Variants in RAB33A observed in about 807,000 individuals in gnomAD.
RAB33A encodes ras-related protein Rab-33A.
Under a neutral mutation model 12.0 loss-of-function variants are expected in RAB33A, and 6 were observed. The observed-to-expected ratio is 0.50, with a 90% CI of 0.27 to 0.99. RAB33A has a LOEUF of 0.99. Ranked by LOEUF, RAB33A falls within the 50% of genes least tolerant of loss-of-function variation. The probability of loss-of-function intolerance (pLI) is 0.11; values close to 1 mark genes in which losing one functional copy is unlikely to be tolerated. For missense variants in RAB33A, 109 were observed against 192.0 expected (o/e 0.57, Z 2.55); for synonymous variants, 70 against 82.4 (o/e 0.85, Z 0.81).
At chrX:130,123,611 C>T in the RAB33A span, among the ~76,000 whole-genome samples, 5 of 100,170 alleles carry the variant, frequency 5.0e-5, no homozygotes, top group Non-Finnish European at 7.9e-5. Context: ...GCAGGAGAAT[C>T]GCTTGAACCC....
chrX:130,184,171 G>A (rs1210545267), intron 1 of RAB33A, 114 bp from the exon 2 acceptor site: 3 of 707,576 alleles, frequency 4.2e-6, no homozygotes, highest in Non-Finnish European at 6.2e-6. Context: ...TTATAGGCGT[G>A]AGCCACCGCA....
the RAB33A span, chrX:130,138,472 AAT>A: frequency 7.0e-6 from 4 of 572,225 alleles, no homozygotes; most frequent in Admixed American, 8.1e-5. Flanking sequence ...CTCAAAAAAA[AAT>A]AAATAAATAA....
the RAB33A span, chrX:130,156,379 A>G: frequency 2.6e-6 from 3 of 1,172,284 alleles, no homozygotes; most frequent in Non-Finnish European, 3.5e-6. Context: ...ATTAGTTGCA[A>G]AAGTTTTAAA....
the RAB33A span, among the ~76,000 whole-genome samples, chrX:130,119,601 G>A: frequency 9.0e-6 from 1 of 111,578 alleles, no homozygotes; most frequent in Non-Finnish European, 1.9e-5. Context: ...GAGGGGTCTG[G>A]TAGAAAGGAG....
At chrX:130,113,377 G>A in the RAB33A span, among the ~76,000 whole-genome samples, 2 of 108,801 alleles carry the variant, frequency 1.8e-5, no homozygotes, top group Non-Finnish European at 3.8e-5. Flanking sequence ...CACTGCGCCC[G>A]GCCTCTTTCT....
At chrX:130,155,240 A>G in the RAB33A span, 1 of 1,210,478 alleles carries the variant, frequency 8.3e-7, no homozygotes, top group Admixed American at 2.2e-5. Flanking sequence ...AAGCACCTGT[A>G]GATGCTAGTG....
the RAB33A span, among the ~76,000 whole-genome samples, chrX:130,125,990 A>G: frequency 8.9e-6 from 1 of 112,424 alleles, no homozygotes; most frequent in African/African-American, 3.2e-5. Flanking sequence ...AAGTGGTGCC[A>G]AGGACCATCT....
chrX:130,141,700 T>C, the RAB33A span, among the ~76,000 whole-genome samples: 1 of 111,641 alleles, frequency 9.0e-6, no homozygotes, highest in Non-Finnish European at 1.9e-5. Context: ...AATCACTGTT[T>C]TGAGCCACCT....
the RAB33A span, among the ~76,000 whole-genome samples, chrX:130,125,192 C>T: frequency 8.1e-5 from 9 of 111,752 alleles, no homozygotes; most frequent in Non-Finnish European, 1.1e-4. Flanking sequence ...CAGTACCGGG[C>T]GAGCTTCCAG....
the RAB33A span, chrX:130,137,645 C>A: frequency 9.0e-7 from 1 of 1,115,111 alleles, no homozygotes. Flanking sequence ...CAGGAAGCAG[C>A]AGTTCAAAGA....
chrX:130,181,974 G>C (rs1282571640), intron 1 of RAB33A, among the ~76,000 whole-genome samples: 1 of 106,069 alleles, frequency 9.4e-6, no homozygotes, highest in Non-Finnish European at 1.9e-5. Flanking sequence ...AAATAAATAG[G>C]GCTTGAAGGT....
At chrX:130,163,112 C>A in the RAB33A span, among the ~76,000 whole-genome samples, 1 of 109,687 alleles carries the variant, frequency 9.1e-6, no homozygotes, top group Non-Finnish European at 1.9e-5. Context: ...AGTTTGAGAC[C>A]AGCCTGGCCA....
intron 1 of RAB33A, among the ~76,000 whole-genome samples, chrX:130,176,772 C>G (rs776825448): frequency 1.5e-4 from 17 of 112,204 alleles, no homozygotes; most frequent in African/African-American, 5.5e-4. Context: ...GTGTGTGGAT[C>G]TTAGATGCAG....
upstream of RAB33A, among the ~76,000 whole-genome samples, chrX:130,169,735 T>C (rs2031584898): frequency 8.9e-6 from 1 of 112,444 alleles, no homozygotes; most frequent in Non-Finnish European, 1.9e-5. Context: ...AAGTTTTTGC[T>C]AGAAGCTTAC....
At chrX:130,113,149 C>T in the RAB33A span, among the ~76,000 whole-genome samples, 2 of 83,459 alleles carry the variant, frequency 2.4e-5, no homozygotes, top group Admixed American at 1.6e-4. Flanking sequence ...GGCGCGATCT[C>T]GGCTCACTGC....
chrX:130,142,372 T>C, the RAB33A span, among the ~76,000 whole-genome samples: 1 of 111,204 alleles, frequency 9.0e-6, no homozygotes, highest in Non-Finnish European at 1.9e-5. Flanking sequence ...TACTCAACCC[T>C]CACGGTGTTC....
the RAB33A span, chrX:130,137,501 G>GA: frequency 8.6e-7 from 1 of 1,165,488 alleles, no homozygotes; most frequent in African/African-American, 1.8e-5. Flanking sequence ...GCATCCTCCT[G>GA]AAAAGATGCC....
At chrX:130,147,769 G>A in the RAB33A span, 2 of 1,211,940 alleles carry the variant, frequency 1.7e-6, no homozygotes, top group Non-Finnish European at 2.2e-6. Context: ...CCAGGATCCC[G>A]AGCCCGGATG....
chrX:130,142,199 A>G, the RAB33A span, among the ~76,000 whole-genome samples: 1 of 112,161 alleles, frequency 8.9e-6, no homozygotes. Context: ...TGGTAAGAAC[A>G]GTGCAGGTAG....
Sources: gnomAD v4.1 joint callset for allele counts (sites outside exome capture counted in the v4.1 genomes callset) on GRCh38, gnomAD v4.1.1 for gene constraint, MANE v1.5 for transcripts, NCBI Gene and HGNC (gene_info 2026-07-23, HGNC 2026-07-21) for gene names.